SRP54: variants seen among roughly 807,000 people sequenced by gnomAD.
The protein encoded by SRP54 is signal recognition particle 54, also known as signal recognition particle subunit SRP54.
In SRP54, 10 loss-of-function variants were observed where a neutral mutation model predicts 64.8. The observed-to-expected ratio is 0.15, with a 90% CI of 0.10 to 0.26. The LOEUF (loss-of-function observed/expected upper bound fraction) is 0.26, where lower values mean the gene tolerates loss of function less well. Among genes scored for constraint, SRP54 ranks in the 10% least tolerant of loss-of-function variants. SRP54 has a pLI of 1.00. For synonymous variants in SRP54, 193 were observed against 185.6 expected (o/e 1.04, Z -0.32); for missense variants, 325 against 613.7 (o/e 0.53, Z 4.97).
At chr14:35,018,505 T>G in intron 11 of SRP54, 187 bp from the exon 12 acceptor site, 4 of 557,004 alleles carry the variant, frequency 7.2e-6, no homozygotes, top group Non-Finnish European at 1.3e-5. Flanking sequence ...AGGACCTGTC[T>G]TTGTCTATGT....
chr14:34,999,163 T>G (rs2044132129), intron 2 of SRP54, among the ~76,000 whole-genome samples: 1 of 151,718 alleles, frequency 6.6e-6, no homozygotes, highest in African/African-American at 2.4e-5. Flanking sequence ...CACAGGCACG[T>G]GCCACCATGC....
chr14:35,018,196 A>G (rs1394192876), intron 11 of SRP54, among the ~76,000 whole-genome samples: 1 of 152,194 alleles, frequency 6.6e-6, no homozygotes. Context: ...AGTTGTACTT[A>G]TCTATAGTTT....
chr14:34,986,890 G>A lies in SRP54; in HGVS notation c.-34+3675G>A, dbSNP rs534754670. On this transcript the variant is annotated intron_variant, in intron 1 of 15. Transcript: ENST00000216774. Reference sequence around the variant, plus strand: ...GACTCTGTCTCAAAAAAAAAAAATTGCTAGTTATTCATCATCCAGAGATAA... The same window carrying A: ...GACTCTGTCTCAAAAAAAAAAAATTACTAGTTATTCATCATCCAGAGATAA... Among the ~76,000 whole-genome samples the A allele has an allele frequency of 4.7e-5, 7 of 150,020 alleles. No homozygotes were observed. The East Asian group carries it at 1.4e-3, about 30-fold the overall frequency.
chr14:34,988,536 T>TG (rs2043931263), intron 1 of SRP54, among the ~76,000 whole-genome samples: 1 of 91,422 alleles, frequency 1.1e-5, no homozygotes, highest in African/African-American at 3.9e-5. Context: ...CACTCCAGCC[T>TG]GGCGACAGAG....
intron 4 of SRP54, among the ~76,000 whole-genome samples, chr14:35,003,520 A>G (rs1347517942): frequency 2.6e-5 from 4 of 151,168 alleles, no homozygotes; most frequent in Non-Finnish European, 4.4e-5. Context: ...GACTACAGGC[A>G]TGCACCACCA....
chr14:35,021,742 A>T (rs2044534185), intron 13 of SRP54, among the ~76,000 whole-genome samples: 1 of 152,262 alleles, frequency 6.6e-6, no homozygotes, highest in Admixed American at 6.5e-5. Flanking sequence ...ATATGTGTAA[A>T]GAAAAGATTT....
At chr14:35,023,653 G>T (rs2044571517) in intron 14 of SRP54, among the ~76,000 whole-genome samples, 1 of 151,824 alleles carries the variant, frequency 6.6e-6, no homozygotes, top group African/African-American at 2.4e-5. Flanking sequence ...GTGTCGTGGG[G>T]TGTACCTGTT....
In SRP54 at chr14:35,029,280, T is replaced by C. The variant is rs111760025; in HGVS notation, c.*128T>C. ...GCTTATCATGCACTCTTTCCTTTTCTTCTCGCCCGCTTTTCCCCTCCTTTT... is the reference window on the plus strand; with the variant it reads ...GCTTATCATGCACTCTTTCCTTTTCCTCTCGCCCGCTTTTCCCCTCCTTTT... On this transcript the variant is annotated 3_prime_UTR_variant, in exon 16 of 16. Coordinates refer to ENST00000216774, the MANE Select transcript of SRP54 (RefSeq NM_003136.4). 3.5e-6 allele frequency: 2 copies of C among 570,338 alleles called. No individual in the cohort carries two copies. Among genetic ancestry groups the C allele is most frequent in the Non-Finnish European group, 5.9e-6 (2 of 338,110 alleles). The allele number at this position is 570,338 out of a possible 1,614,324, so 35.3% of individuals were successfully genotyped here. A position where few individuals can be genotyped will look rare whatever the true frequency, so the allele number is the denominator to read the frequency against.
At chr14:35,002,033 T>C (rs1187114632) in intron 4 of SRP54, among the ~76,000 whole-genome samples, 1 of 150,456 alleles carries the variant, frequency 6.6e-6, no homozygotes, top group Non-Finnish European at 1.5e-5. Context: ...AGAACCAGTC[T>C]CTATAAAAAA....
intron 8 of SRP54, 26 bp from the exon 9 acceptor site, chr14:35,013,320 G>A (rs1402519706): frequency 4.4e-6 from 7 of 1,599,772 alleles, no homozygotes; most frequent in African/African-American, 2.7e-5. Context: ...CTTTTCTAAA[G>A]TATCTTTTCT....
Position 35,022,901 on chromosome 14 carries a change from T to C in SRP54, c.1157-9T>C, listed in dbSNP as rs1043997383. 1.3e-6 allele frequency: 2 copies of C among 1,591,614 alleles called. No homozygotes were observed. Among genetic ancestry groups the C allele is most frequent in the Middle Eastern group, 1.7e-4 (1 of 5,958 alleles). On this transcript the variant is annotated splice_polypyrimidine_tract_variant and intron_variant, in intron 13 of 15. Transcript: ENST00000216774. ...AATTGTGTGTGAGAGTAACTGACCT[T>C]GTCTACAGAACTAGACAGTACGGAT...
intron 1 of SRP54, among the ~76,000 whole-genome samples, chr14:34,996,274 A>G (rs2044072312): frequency 6.6e-6 from 1 of 152,038 alleles, no homozygotes; most frequent in African/African-American, 2.4e-5. Flanking sequence ...AGAGTCCTTT[A>G]ATGTGGGAAA....
chr14:35,013,125 T>C (rs1386180546), intron 8 of SRP54, among the ~76,000 whole-genome samples: 1 of 151,904 alleles, frequency 6.6e-6, no homozygotes, highest in Non-Finnish European at 1.5e-5. Flanking sequence ...TGTATGCTAA[T>C]TTTTGTATTT....
intron 13 of SRP54, among the ~76,000 whole-genome samples, chr14:35,020,682 G>C (rs2044515554): frequency 6.6e-6 from 1 of 151,784 alleles, no homozygotes; most frequent in Non-Finnish European, 1.5e-5. Flanking sequence ...TTTCCTCACT[G>C]TCTTTAACAC....
intron 2 of SRP54, among the ~76,000 whole-genome samples, chr14:34,999,013 G>GTGTGT (rs67731589): frequency 2.5e-5 from 1 of 39,566 alleles, no homozygotes; most frequent in Non-Finnish European, 5.2e-5. Flanking sequence ...GTGTGTGTGT[G>GTGTGT]GTTTTTTTTT....
chr14:35,003,563 GTTTTTTTGGT>G lies in SRP54; in HGVS notation c.255+2551_255+2560del, dbSNP rs750655366. 7.0e-3 allele frequency among the ~76,000 whole-genome samples: 812 copies of G among 115,518 alleles called. 1 individual carries two copies. The highest frequency in any genetic ancestry group is 0.028 in the Middle Eastern group (6 of 212). 75.8% of individuals were successfully genotyped at this position (115,518 alleles called of 152,430 possible). ...TGTTTGTTTGTTTTTTGTTTTTTTG[GTTTTTTTGGT>G]TTTTTTTTTTTTTGAGACAGGGTCT... On this transcript the variant is annotated intron_variant, in intron 4 of 15. Transcript: ENST00000216774.
chr14:34,996,843 A>C, intron 2 of SRP54, 56 bp downstream of exon 2: 1 of 1,217,246 alleles, frequency 8.2e-7, no homozygotes, highest in Non-Finnish European at 1.2e-6. Flanking sequence ...TAGCATTGGG[A>C]AGATGGCTTA....
At chr14:34,985,284 A>C (rs1360625610) in intron 1 of SRP54, among the ~76,000 whole-genome samples, 1 of 152,216 alleles carries the variant, frequency 6.6e-6, no homozygotes, top group African/African-American at 2.4e-5. Flanking sequence ...AAACATTAAA[A>C]ATAATACATT....
chr14:35,014,660 GTTA>G (rs1457634820), intron 10 of SRP54, 81 bp from the exon 11 acceptor site: 74 of 1,036,208 alleles, frequency 7.1e-5, no homozygotes, highest in Non-Finnish European at 9.7e-5. Flanking sequence ...ACCTCACAAG[GTTA>G]TTATGTATGT....
Sources: gnomAD v4.1 joint callset for allele counts (sites outside exome capture counted in the v4.1 genomes callset) on GRCh38, gnomAD v4.1.1 for gene constraint, MANE v1.5 for transcripts, NCBI Gene and HGNC (gene_info 2026-07-23, HGNC 2026-07-21) for gene names.